Variants in FCHSD2 observed in about 807,000 individuals in gnomAD.
FCHSD2 encodes FCH and double SH3 domains 2, also known as F-BAR and double SH3 domains protein 2.
Under a neutral mutation model 108.1 loss-of-function variants are expected in FCHSD2, and 38 were observed. The ratio of observed to expected loss-of-function variants is 0.35; its 90% confidence interval spans 0.27 to 0.46. FCHSD2 has a LOEUF of 0.46. Among genes scored for constraint, FCHSD2 ranks in the 20% least tolerant of loss-of-function variants. The pLI is 1.00. For missense variants in FCHSD2, 751 were observed against 897.8 expected, an observed-to-expected ratio of 0.84 and a Z score of 2.09; for synonymous variants, 279 against 314.7, an observed-to-expected ratio of 0.89 and a Z score of 1.20.
At chr11:72,903,489 G>C (rs1450841988) in intron 9 of FCHSD2, among the ~76,000 whole-genome samples, 1 of 152,170 alleles carries the variant, frequency 6.6e-6, no homozygotes, top group African/African-American at 2.4e-5. Flanking sequence ...AAAGTGCTGG[G>C]ATTACAGGCG....
rs1857975656 is a variant in FCHSD2 at position 73,016,375 on chromosome 11, G to A, written c.166-490C>T. Among the ~76,000 whole-genome samples, 4 of 151,618 alleles carry A rather than the reference G, an allele frequency of 2.6e-5. No homozygotes were observed. In the South Asian group the frequency reaches 8.3e-4, roughly 32 times the overall value. On this transcript the variant is annotated intron_variant, in intron 3 of 19. Coordinates refer to ENST00000409418, the MANE Select transcript of FCHSD2 (RefSeq NM_014824.3). Reference sequence around the variant, plus strand: ...AAACAAACAAAAAACAATGATAAATGGTAGAACACTACAACCTTTTTTCAT... The same window carrying A: ...AAACAAACAAAAAACAATGATAAATAGTAGAACACTACAACCTTTTTTCAT...
At chr11:72,946,487 T>C (rs1338332026) in intron 8 of FCHSD2, among the ~76,000 whole-genome samples, 2 of 152,002 alleles carry the variant, frequency 1.3e-5, no homozygotes, top group African/African-American at 2.4e-5. Context: ...ATGGCACATG[T>C]ATACATATGT....
chr11:72,845,928 A>G (rs962858410), intron 14 of FCHSD2, among the ~76,000 whole-genome samples: 4 of 152,186 alleles, frequency 2.6e-5, no homozygotes, highest in African/African-American at 4.8e-5. Flanking sequence ...GATCAATGCT[A>G]TATCCCAGAG....
At position 73,093,858 on chromosome 11, in the gene FCHSD2, G is replaced by A. The variant is rs553115973; in HGVS notation, c.120-10118C>T. On this transcript the variant is annotated intron_variant, in intron 2 of 19. Coordinates refer to ENST00000409418, the MANE Select transcript of FCHSD2 (RefSeq NM_014824.3). ...GACCTCAGGTGATCTGCCCACCTCG[G>A]CCTCCCAAAGTGTTGGGATTACAGG... 6.5e-3 allele frequency among the ~76,000 whole-genome samples: 986 copies of A among 152,062 alleles called. 7 individuals are homozygous for A. The highest frequency in any genetic ancestry group is 0.011 in the Non-Finnish European group (733 of 67,978).
rs200687115 is a variant in FCHSD2, at chr11:72,840,916, T to C, written c.2100A>G (p.Ser700=). 2.7e-5 allele frequency: 43 copies of C among 1,613,420 alleles called. No homozygotes were observed. In the East Asian group the frequency reaches 9.1e-4, roughly 34 times the overall value. ...HAESPGFSQA[S]RHTPETSYGK... is the part of the protein sequence containing the mutation. ...CATATGAGGTCTCAGGAGTATGCCT[T>C]GATGCCTGTGAGAATCCTGGTGACT... is the stretch of plus-strand genomic sequence containing the variant. The change falls in exon 19 of 20, where the codon TCA becomes TCG. Residue 700 remains serine, a synonymous_variant. Coordinates refer to ENST00000409418, the MANE Select transcript of FCHSD2 (RefSeq NM_014824.3).
intron 2 of FCHSD2, among the ~76,000 whole-genome samples, chr11:73,097,540 T>C (rs12808472): frequency 6.6e-6 from 1 of 151,536 alleles, no homozygotes; most frequent in Non-Finnish European, 1.5e-5. Context: ...GTAGGATTGG[T>C]GTTAATTCAT....
At chr11:73,055,517 A>ATT (rs1472666972) in intron 3 of FCHSD2, among the ~76,000 whole-genome samples, 1 of 152,222 alleles carries the variant, frequency 6.6e-6, no homozygotes, top group Non-Finnish European at 1.5e-5. Flanking sequence ...AAACCTTGAG[A>ATT]TACAAGCTAA....
chr11:73,062,968 C>G (rs1443682277), intron 3 of FCHSD2, among the ~76,000 whole-genome samples: 1 of 152,102 alleles, frequency 6.6e-6, no homozygotes, highest in African/African-American at 2.4e-5. Flanking sequence ...AGAAGAGCAA[C>G]CCTAAGACAC....
intron 8 of FCHSD2, among the ~76,000 whole-genome samples, chr11:72,971,171 C>A (rs1857000027): frequency 6.6e-6 from 1 of 151,906 alleles, no homozygotes; most frequent in South Asian, 2.1e-4. Context: ...GTAACTGGAA[C>A]AGGTCAAAAT....
At chr11:73,013,537 G>T (rs984393329) in intron 4 of FCHSD2, among the ~76,000 whole-genome samples, 1 of 152,158 alleles carries the variant, frequency 6.6e-6, no homozygotes, top group African/African-American at 2.4e-5. Context: ...CTATGAATAA[G>T]AAAGAAAGAA....
chr11:73,056,046 C>T (rs1010570034), intron 3 of FCHSD2, among the ~76,000 whole-genome samples: 1 of 152,104 alleles, frequency 6.6e-6, no homozygotes, highest in African/African-American at 2.4e-5. Flanking sequence ...AATCTGATCA[C>T]AAGCCCCACC....
chr11:72,990,820 C>T (rs1398028144), intron 5 of FCHSD2, among the ~76,000 whole-genome samples: 1 of 152,114 alleles, frequency 6.6e-6, no homozygotes, highest in Non-Finnish European at 1.5e-5. Context: ...AGAGCAAACA[C>T]ATTCAAAAGC....
chr11:73,035,696 T>TTTTA (rs35623691), intron 3 of FCHSD2, among the ~76,000 whole-genome samples: 36,449 of 123,636 alleles, frequency 0.29, 5,442 homozygotes, highest in African/African-American at 0.44. Context: ...AATGTTCAGT[T>TTTTA]TTTATTTATT....
chr11:72,899,735 TAAAAAAAAAAA>T (rs10674308), intron 10 of FCHSD2, among the ~76,000 whole-genome samples: 6 of 72,736 alleles, frequency 8.2e-5, no homozygotes, highest in Non-Finnish European at 1.4e-4. Flanking sequence ...GACCCTATCT[TAAAAAAAAAAA>T]AAAAAAAAAA....
At chr11:72,958,078 C>T (rs1041986412) in intron 8 of FCHSD2, among the ~76,000 whole-genome samples, 1 of 152,108 alleles carries the variant, frequency 6.6e-6, no homozygotes, top group Non-Finnish European at 1.5e-5. Context: ...CTTTAATGTA[C>T]TCTGTTGTAA....
chr11:73,049,434 T>C (rs1005052415), intron 3 of FCHSD2, among the ~76,000 whole-genome samples: 5 of 150,550 alleles, frequency 3.3e-5, no homozygotes, highest in African/African-American at 7.3e-5. Flanking sequence ...CTAAATAAAC[T>C]ACAAATTTTT....
At chr11:72,869,121 G>A (rs1005389436) in intron 12 of FCHSD2, among the ~76,000 whole-genome samples, 2 of 151,846 alleles carry the variant, frequency 1.3e-5, no homozygotes, top group Non-Finnish European at 2.9e-5. Context: ...TGGCCAGGCT[G>A]GTGTCGAACT....
At chr11:73,120,895 T>A in intron 2 of FCHSD2, among the ~76,000 whole-genome samples, 1 of 151,616 alleles carries the variant, frequency 6.6e-6, no homozygotes, top group East Asian at 1.9e-4. Context: ...GCACTGGATG[T>A]TATGGGAACA....
In FCHSD2 at chr11:72,909,566, C is replaced by G. The variant is rs112657585; in HGVS notation, c.829-6928G>C. On this transcript the variant is annotated intron_variant, in intron 9 of 19. Coordinates refer to ENST00000409418, the MANE Select transcript of FCHSD2 (RefSeq NM_014824.3). ...GGAAGTGAGGAGCGCCTCTGCCCAG[C>G]TGCCACCCCGTCTAGGAAGTGAGGA... 5.4e-3 allele frequency among the ~76,000 whole-genome samples: 816 copies of G among 150,638 alleles called. 8 individuals are homozygous for G. The highest frequency in any genetic ancestry group is 0.019 in the African/African-American group (758 of 40,866).
Sources: gnomAD v4.1 joint callset for allele counts (sites outside exome capture counted in the v4.1 genomes callset) on GRCh38, gnomAD v4.1.1 for gene constraint, MANE v1.5 for transcripts, NCBI Gene and HGNC (gene_info 2026-07-23, HGNC 2026-07-21) for gene names.